The following TENM1 variants were observed in gnomAD, a reference collection of about 807,000 sequenced individuals.
TENM1 encodes teneurin transmembrane protein 1.
In TENM1, 35 loss-of-function variants were observed where a neutral mutation model predicts 174.8. The observed-to-expected ratio is 0.20, with a 90% confidence interval of 0.15 to 0.27. The LOEUF (loss-of-function observed/expected upper bound fraction) is 0.27. Among genes scored for constraint, TENM1 ranks in the 10% least tolerant of loss-of-function variants. The pLI is 1.00. For missense variants in TENM1, 1,633 were observed against 2,130.1 expected (o/e 0.77, Z 4.59); for synonymous variants, 781 against 798.7 (o/e 0.98, Z 0.37).
chrX:125,119,807 C>G, the TENM1 span, among the ~76,000 whole-genome samples: 1 of 110,304 alleles, frequency 9.1e-6, no homozygotes, highest in South Asian at 3.8e-4. Flanking sequence ...TACAAATATC[C>G]TAGAAAAAAA....
At chrX:124,381,860 C>T (rs1190616819) in intron 31 of TENM1, among the ~76,000 whole-genome samples, 4 of 111,473 alleles carry the variant, frequency 3.6e-5, no homozygotes, top group African/African-American at 1.3e-4. Flanking sequence ...TCCAAGTATC[C>T]ATTATGAAGC....
intron 1 of TENM1, among the ~76,000 whole-genome samples, chrX:124,945,515 T>C (rs1437124792): frequency 9.0e-6 from 1 of 111,326 alleles, no homozygotes; most frequent in African/African-American, 3.3e-5. Flanking sequence ...TGATGGTGGC[T>C]TGGACTAGGG....
At chrX:124,673,304 C>T (rs2148438395) in intron 5 of TENM1, among the ~76,000 whole-genome samples, 1 of 111,918 alleles carries the variant, frequency 8.9e-6, no homozygotes, top group African/African-American at 3.2e-5. Flanking sequence ...AGATTAGAGC[C>T]ATATTGTGGA....
At chrX:125,178,972 TA>T in the TENM1 span, among the ~76,000 whole-genome samples, 152 of 99,123 alleles carry the variant, frequency 1.5e-3, no homozygotes, top group Admixed American at 1.4e-3. Flanking sequence ...CCCCATCTCC[TA>T]AAAAAAAAAA....
chrX:124,397,883 G>A (rs1021204647), intron 27 of TENM1, among the ~76,000 whole-genome samples: 1 of 108,507 alleles, frequency 9.2e-6, no homozygotes, highest in Non-Finnish European at 1.9e-5. Flanking sequence ...GTGAGCCACC[G>A]TGCCCGGCCT....
intron 3 of TENM1, among the ~76,000 whole-genome samples, chrX:124,854,819 T>C (rs2056785303): frequency 8.9e-6 from 1 of 111,831 alleles, no homozygotes; most frequent in Non-Finnish European, 1.9e-5. Flanking sequence ...ATTTTCAAAA[T>C]AGAAAAATGC....
chrX:124,425,998 GTGTGT>G, intron 23 of TENM1, among the ~76,000 whole-genome samples: 1 of 3,409 alleles, frequency 2.9e-4, no homozygotes, highest in African/African-American at 4.0e-4. Context: ...AAGGACTGGT[GTGTGT>G]GTGTGTGTGT....
the TENM1 span, among the ~76,000 whole-genome samples, chrX:125,001,974 A>ACACAC: frequency 3.9e-5 from 4 of 101,579 alleles, no homozygotes; most frequent in African/African-American, 1.5e-4. Context: ...CACACACACA[A>ACACAC]GATCAAGTCA....
At chrX:124,518,221 C>T (rs977034014) in intron 18 of TENM1, among the ~76,000 whole-genome samples, 2 of 109,923 alleles carry the variant, frequency 1.8e-5, no homozygotes, top group African/African-American at 3.3e-5. Context: ...TGCAGTAAAG[C>T]GGGGAGAGGG....
intron 4 of TENM1, among the ~76,000 whole-genome samples, chrX:124,714,482 C>T (rs1181472190): frequency 9.0e-6 from 1 of 111,722 alleles, no homozygotes; most frequent in Non-Finnish European, 1.9e-5. Context: ...TACATATAAA[C>T]TTCATATTTC....
chrX:124,503,436 G>T, intron 19 of TENM1, 124 bp downstream of exon 22: 1 of 554,154 alleles, frequency 1.8e-6, no homozygotes, highest in East Asian at 3.6e-5. Context: ...TGTTTAATGC[G>T]GTCATCTCTA....
intron 31 of TENM1, 131 bp from the exon 35 acceptor site, chrX:124,381,425 A>C (rs2060155678): frequency 1.7e-6 from 1 of 590,511 alleles, no homozygotes; most frequent in Admixed American, 3.8e-5. Flanking sequence ...TGATTTAAAA[A>C]TAAGCCAGAT....
intron 3 of TENM1, among the ~76,000 whole-genome samples, chrX:124,836,896 T>C (rs1376406656): frequency 8.9e-6 from 1 of 111,818 alleles, no homozygotes; most frequent in Non-Finnish European, 1.9e-5. Flanking sequence ...TCACAGTATA[T>C]GTTTTGGATC....
intron 11 of TENM1, among the ~76,000 whole-genome samples, chrX:124,616,481 T>C (rs1201405218): frequency 8.9e-6 from 1 of 112,050 alleles, no homozygotes; most frequent in Non-Finnish European, 1.9e-5. Flanking sequence ...AGGCTTTCTG[T>C]GGGGAGGGTG....
At chrX:124,643,326 C>G (rs2051066263) in intron 10 of TENM1, among the ~76,000 whole-genome samples, 1 of 110,683 alleles carries the variant, frequency 9.0e-6, no homozygotes, top group Admixed American at 9.6e-5. Flanking sequence ...AATCATATGG[C>G]TAAAGGGGCC....
the TENM1 span, among the ~76,000 whole-genome samples, chrX:125,164,822 T>C: frequency 8.9e-6 from 1 of 112,063 alleles, no homozygotes; most frequent in South Asian, 3.7e-4. Flanking sequence ...GTAAGCACTG[T>C]TCTATTACTG....
chrX:124,844,280 T>C (rs3937407), intron 3 of TENM1, among the ~76,000 whole-genome samples: 1 of 112,188 alleles, frequency 8.9e-6, no homozygotes, highest in East Asian at 2.8e-4. Flanking sequence ...TTACCTTGTA[T>C]TCCAGTTTAT....
intron 16 of TENM1, among the ~76,000 whole-genome samples, chrX:124,529,364 C>G (rs73215114): frequency 9.8e-5 from 11 of 111,887 alleles, no homozygotes; most frequent in Non-Finnish European, 2.1e-4. Context: ...CAGGATAAAT[C>G]ACTATAATTA....
chrX:124,818,169 A>C (rs2055949122), intron 3 of TENM1, among the ~76,000 whole-genome samples: 1 of 111,766 alleles, frequency 8.9e-6, no homozygotes, highest in African/African-American at 3.2e-5. Flanking sequence ...TGAAAGCTTT[A>C]TTTAGCTTGG....
Sources: gnomAD v4.1 joint callset for allele counts (sites outside exome capture counted in the v4.1 genomes callset) on GRCh38, gnomAD v4.1.1 for gene constraint, MANE v1.5 for transcripts, NCBI Gene and HGNC (gene_info 2026-07-23, HGNC 2026-07-21) for gene names.